FRMPD4: variants seen among roughly 807,000 people sequenced by gnomAD.
The protein encoded by FRMPD4 is FERM and PDZ domain containing 4, also known as FERM and PDZ domain-containing protein 4.
A neutral mutation model predicts 94.1 loss-of-function variants in FRMPD4; 22 were observed. The observed-to-expected ratio is 0.23, with a 90% CI of 0.17 to 0.33. FRMPD4 has a LOEUF of 0.33. Among genes scored for constraint, FRMPD4 ranks in the 10% least tolerant of loss-of-function variants. The probability of loss-of-function intolerance (pLI) is 1.00; values close to 1 mark genes in which losing one functional copy is unlikely to be tolerated. For synonymous variants in FRMPD4, 631 were observed against 548.6 expected, an observed-to-expected ratio of 1.15 and a Z score of -2.10; for missense variants, 1,111 against 1,339.9, an observed-to-expected ratio of 0.83 and a Z score of 2.67.
At chrX:12,175,541 A>G (rs1259976107) in intron 1 of FRMPD4, among the ~76,000 whole-genome samples, 2 of 111,885 alleles carry the variant, frequency 1.8e-5, no homozygotes, top group Admixed American at 9.4e-5. Flanking sequence ...CGTTGTTGAG[A>G]TGGAGTTTCG....
At chrX:12,410,724 G>A (rs774774477) in intron 1 of FRMPD4, among the ~76,000 whole-genome samples, 7 of 111,044 alleles carry the variant, frequency 6.3e-5, no homozygotes, top group South Asian at 3.8e-4. Context: ...TTGCTGACGC[G>A]GTTACTTCCA....
intron 3 of FRMPD4, among the ~76,000 whole-genome samples, chrX:11,905,380 G>A (rs192062971): frequency 9.0e-6 from 1 of 111,252 alleles, no homozygotes; most frequent in Non-Finnish European, 1.9e-5. Context: ...CTGGGACCTT[G>A]GTGATATTGT....
intron 1 of FRMPD4, among the ~76,000 whole-genome samples, chrX:12,157,911 G>A (rs963977192): frequency 1.3e-4 from 14 of 111,864 alleles, no homozygotes; most frequent in Non-Finnish European, 3.8e-5. Flanking sequence ...AGGTGTGAGT[G>A]TATTACAAGC....
intron 3 of FRMPD4, among the ~76,000 whole-genome samples, chrX:11,980,031 G>A (rs1453220018): frequency 9.0e-6 from 1 of 111,647 alleles, no homozygotes; most frequent in East Asian, 2.8e-4. Flanking sequence ...GCTCATGCTT[G>A]TGTGTGTATG....
intron 1 of FRMPD4, among the ~76,000 whole-genome samples, chrX:12,376,132 T>C (rs1247888579): frequency 1.8e-5 from 2 of 112,328 alleles, no homozygotes; most frequent in Non-Finnish European, 3.8e-5. Context: ...AATAAATGAA[T>C]GGATACATGA....
At chrX:12,462,653 A>G (rs2057402072) in intron 1 of FRMPD4, among the ~76,000 whole-genome samples, 2 of 112,130 alleles carry the variant, frequency 1.8e-5, no homozygotes, top group Admixed American at 1.9e-4. Context: ...TGTCAAATCT[A>G]GGTTCCAAAG....
intron 2 of FRMPD4, among the ~76,000 whole-genome samples, chrX:12,550,233 T>C (rs887626995): frequency 9.0e-6 from 1 of 111,032 alleles, no homozygotes. Flanking sequence ...AAGTGGCAGG[T>C]ATGTAGATAG....
chrX:12,586,005 C>A (rs771585087), intron 2 of FRMPD4, among the ~76,000 whole-genome samples: 1 of 112,348 alleles, frequency 8.9e-6, no homozygotes, highest in South Asian at 3.7e-4. Context: ...ATTGGCATAT[C>A]TTTGTACTTC....
intron 3 of FRMPD4, among the ~76,000 whole-genome samples, chrX:11,893,858 G>C (rs2053888287): frequency 8.9e-6 from 1 of 111,782 alleles, no homozygotes; most frequent in Non-Finnish European, 1.9e-5. Flanking sequence ...AAAAGAGGCA[G>C]TGACCATTTT....
intron 4 of FRMPD4, among the ~76,000 whole-genome samples, chrX:12,662,236 T>C (rs186885780): frequency 2.0e-3 from 218 of 110,637 alleles, no homozygotes; most frequent in African/African-American, 6.6e-3. Context: ...AGTTCTGGAG[T>C]ACATGTGCAG....
At chrX:12,438,535 G>T (rs1214074567) in intron 1 of FRMPD4, among the ~76,000 whole-genome samples, 2 of 110,974 alleles carry the variant, frequency 1.8e-5, no homozygotes, top group South Asian at 7.6e-4. Flanking sequence ...TATGGAGAAA[G>T]TATTAGTATT....
chrX:12,541,786 A>G (rs1482513534), intron 2 of FRMPD4, among the ~76,000 whole-genome samples: 1 of 111,802 alleles, frequency 8.9e-6, no homozygotes, highest in African/African-American at 3.3e-5. Context: ...AGACACAACA[A>G]AAAAAGAGAA....
chrX:12,471,566 G>C (rs535873750), intron 1 of FRMPD4, among the ~76,000 whole-genome samples: 1 of 111,486 alleles, frequency 9.0e-6, no homozygotes, highest in African/African-American at 3.3e-5. Context: ...AGGATGACTT[G>C]ATTTGGCAAT....
intron 2 of FRMPD4, among the ~76,000 whole-genome samples, chrX:12,519,456 TG>T (rs1023656892): frequency 5.4e-4 from 60 of 111,642 alleles, no homozygotes; most frequent in African/African-American, 1.8e-3. Flanking sequence ...AAAGAGAACA[TG>T]GGGGAAAGCT....
intron 3 of FRMPD4, among the ~76,000 whole-genome samples, chrX:11,988,425 A>G (rs1025021242): frequency 1.8e-5 from 2 of 112,356 alleles, no homozygotes; most frequent in Non-Finnish European, 3.8e-5. Flanking sequence ...CTCATTAAAT[A>G]CAAAAATCAA....
rs138978269 is a variant in FRMPD4, at chrX:12,278,137, T to C, written c.41+139125T>C. Among the ~76,000 whole-genome samples, 1,047 of 112,727 alleles carry C rather than the reference T, an allele frequency of 9.3e-3. 8 individuals carry two copies. Among genetic ancestry groups the C allele is most frequent in the Non-Finnish European group, 0.014 (731 of 53,339 alleles). On this transcript the variant is annotated intron_variant, in intron 1 of 16. Transcript: ENST00000675598. ...ACGGCTATTCTTTTCTTTGGCTCACTAGTCTCAGAAATCTCCATTCTTCCA... is the reference window on the plus strand; with the variant it reads ...ACGGCTATTCTTTTCTTTGGCTCACCAGTCTCAGAAATCTCCATTCTTCCA...
chrX:12,629,586 C>T (rs1244054725), intron 4 of FRMPD4, among the ~76,000 whole-genome samples: 2 of 112,298 alleles, frequency 1.8e-5, no homozygotes, highest in South Asian at 3.7e-4. Context: ...AAGCTCTTAG[C>T]GGAGTAAGAG....
At chrX:12,341,680 G>T (rs1382209172) in intron 1 of FRMPD4, 1 of 324,399 alleles carries the variant, frequency 3.1e-6, no homozygotes, top group Non-Finnish European at 6.0e-6. Flanking sequence ...TCTAAACCTT[G>T]AGCTCTTAAT....
Position 12,717,729 on chromosome X carries a change from C to G in FRMPD4, c.2903C>G (p.Ser968Trp). 1 of 1,211,391 alleles carries G rather than the reference C, an allele frequency of 8.3e-7. No homozygotes were observed. Among genetic ancestry groups the G allele is most frequent in the Admixed American group, 2.2e-5 (1 of 46,107 alleles). ...GCTGGGGGCTTGCCTCCAAAGTCCT[C>G]GCACGCCCTGGCTGCTAGGCCAGCA... ...TPAGGLPPKS[S>W]HALAARPATD... The change falls in exon 16 of 17, where the codon TCG becomes TGG. Residue 968 changes from serine to tryptophan, a missense_variant. Around this residue, in one of 8 missense-constraint regions of FRMPD4, gnomAD observed 551 missense variants for 591.6 expected, o/e 0.93. Coordinates refer to ENST00000675598, the MANE Select transcript of FRMPD4 (RefSeq NM_001368397.1).
Sources: allele counts gnomAD v4.1 joint callset (sites outside exome capture counted in the v4.1 genomes callset), GRCh38; gene constraint gnomAD v4.1.1; regional missense constraint gnomAD v4.1.1; transcripts MANE v1.5; gene names NCBI Gene and HGNC (gene_info 2026-07-23, HGNC 2026-07-21).